Variants in COL5A2 observed in about 807,000 individuals in gnomAD.
The protein encoded by COL5A2 is collagen type V alpha 2 chain, also known as collagen alpha-2(V) chain.
In COL5A2, 23 loss-of-function variants were observed where a neutral mutation model predicts 208.2. The ratio of observed to expected loss-of-function variants is 0.11; its 90% CI spans 0.08 to 0.16. The LOEUF (loss-of-function observed/expected upper bound fraction) is 0.16, where lower values mean the gene tolerates loss of function less well. Ranked by LOEUF, COL5A2 falls within the 10% of genes least tolerant of loss-of-function variation. The pLI is 1.00. For missense variants in COL5A2, 1,590 were observed against 1,956.4 expected (o/e 0.81, Z 3.53); for synonymous variants, 625 against 628.5 (o/e 0.99, Z 0.08).
chr2:189,346,608 T>C, the COL5A2 span, among the ~76,000 whole-genome samples: 4 of 152,356 alleles, frequency 2.6e-5, no homozygotes, highest in East Asian at 7.7e-4. Flanking sequence ...AAAATATATA[T>C]GACTATGTAC....
At chr2:189,311,055 ACT>A in the COL5A2 span, among the ~76,000 whole-genome samples, 1 of 151,000 alleles carries the variant, frequency 6.6e-6, no homozygotes, top group Admixed American at 6.6e-5. Context: ...AAGTGGGGTG[ACT>A]CTTGCTACTC....
At chr2:189,243,148 T>C in the COL5A2 span, among the ~76,000 whole-genome samples, 1 of 151,806 alleles carries the variant, frequency 6.6e-6, no homozygotes, top group African/African-American at 2.4e-5. Context: ...CCTTTTCTAT[T>C]TGGTAAGAAG....
chr2:189,267,175 G>A, the COL5A2 span, among the ~76,000 whole-genome samples: 1 of 151,920 alleles, frequency 6.6e-6, no homozygotes, highest in Non-Finnish European at 1.5e-5. Flanking sequence ...GACCCTAAAA[G>A]CATTTCTGTA....
rs568242168 is a variant in COL5A2, at chr2:189,218,775, T to G, written c.-42+6373A>C. On this transcript the variant is annotated intron_variant, in intron 1 of 10. Coordinates refer to the COL5A2 transcript ENST00000649966. ...GGAACATTAGGTTCTCATTGACGCCTAGTCAAAATGGAAGTTCTCTACAGT... is the reference window on the plus strand; with the variant it reads ...GGAACATTAGGTTCTCATTGACGCCGAGTCAAAATGGAAGTTCTCTACAGT... 3.3e-5 allele frequency among the ~76,000 whole-genome samples: 5 copies of G among 152,260 alleles called. No individual in the cohort carries two copies. The South Asian group carries it at 6.2e-4, about 19-fold the overall frequency.
At chr2:189,166,330 A>ATT (rs570782908) in intron 1 of COL5A2, among the ~76,000 whole-genome samples, 56 of 147,166 alleles carry the variant, frequency 3.8e-4, no homozygotes, top group African/African-American at 1.3e-3. Flanking sequence ...GACAGGTTGA[A>ATT]TTTTTTTTTT....
chr2:189,326,749 A>G, the COL5A2 span, among the ~76,000 whole-genome samples: 3 of 151,404 alleles, frequency 2.0e-5, no homozygotes, highest in Non-Finnish European at 4.4e-5. Flanking sequence ...ACTCCCCACT[A>G]GAAAAAGTAT....
intron 1 of COL5A2, among the ~76,000 whole-genome samples, chr2:189,191,274 C>T (rs1688924738): frequency 6.6e-6 from 1 of 151,596 alleles, no homozygotes; most frequent in Non-Finnish European, 1.5e-5. Context: ...AACCTATCTT[C>T]AAATTCTAAG....
At chr2:189,407,876 T>G in the COL5A2 span, among the ~76,000 whole-genome samples, 1 of 152,216 alleles carries the variant, frequency 6.6e-6, no homozygotes, top group Admixed American at 6.5e-5. Context: ...TTCTCTGTTT[T>G]TCATTTTCTG....
At chr2:189,400,183 TC>T in the COL5A2 span, among the ~76,000 whole-genome samples, 2 of 152,332 alleles carry the variant, frequency 1.3e-5, no homozygotes, top group South Asian at 4.1e-4. Flanking sequence ...CTTATCCTGC[TC>T]TGAGTCCTTT....
At chr2:189,391,322 A>C in the COL5A2 span, among the ~76,000 whole-genome samples, 1 of 152,198 alleles carries the variant, frequency 6.6e-6, no homozygotes, top group Non-Finnish European at 1.5e-5. Context: ...TTTGAGCTGC[A>C]CATGCTCTTA....
At chr2:189,282,907 T>A in the COL5A2 span, among the ~76,000 whole-genome samples, 1 of 152,142 alleles carries the variant, frequency 6.6e-6, no homozygotes, top group Admixed American at 6.5e-5. Context: ...ATTCAAAATA[T>A]TTACTATAGG....
At chr2:189,229,817 A>T (rs1170173624), upstream of COL5A2, among the ~76,000 whole-genome samples, 1 of 151,878 alleles carries the variant, frequency 6.6e-6, no homozygotes, top group African/African-American at 2.4e-5. Context: ...TTTTTACAGA[A>T]ATAGAAAAAA....
At chr2:189,065,601 A>G (rs1016490675) in intron 23 of COL5A2, among the ~76,000 whole-genome samples, 2 of 152,178 alleles carry the variant, frequency 1.3e-5, no homozygotes, top group Non-Finnish European at 2.9e-5. Flanking sequence ...TTAAACAGAG[A>G]AAACTGATAT....
At chr2:189,180,166 G>A (rs566196766), upstream of COL5A2, among the ~76,000 whole-genome samples, 1 of 151,890 alleles carries the variant, frequency 6.6e-6, no homozygotes, top group Non-Finnish European at 1.5e-5. Flanking sequence ...GATAATTCAA[G>A]ACTCTCTTCT....
At chr2:189,264,174 A>G in the COL5A2 span, among the ~76,000 whole-genome samples, 1 of 152,134 alleles carries the variant, frequency 6.6e-6, no homozygotes, top group Non-Finnish European at 1.5e-5. Context: ...CAAAAATACA[A>G]AGAATGAAAG....
At chr2:189,402,174 T>C in the COL5A2 span, among the ~76,000 whole-genome samples, 3 of 152,176 alleles carry the variant, frequency 2.0e-5, no homozygotes, top group Non-Finnish European at 4.4e-5. Context: ...TGCCTAGGTT[T>C]CTTATAAGGT....
At chr2:189,037,227 A>G (rs746045933) in intron 51 of COL5A2, among the ~76,000 whole-genome samples, 5 of 152,320 alleles carry the variant, frequency 3.3e-5, no homozygotes, top group Non-Finnish European at 7.4e-5. Context: ...AAAGTGAATA[A>G]ATAAGTTGAA....
At chr2:189,324,808 C>T in the COL5A2 span, among the ~76,000 whole-genome samples, 584 of 152,260 alleles carry the variant, frequency 3.8e-3, 17 homozygotes, top group East Asian at 0.04. Flanking sequence ...CCAGCCATCC[C>T]ATTACTGGGT....
intron 18 of COL5A2, among the ~76,000 whole-genome samples, chr2:189,070,454 A>ATG (rs1190794755): frequency 1.3e-5 from 2 of 152,188 alleles, no homozygotes; most frequent in Non-Finnish European, 2.9e-5. Flanking sequence ...CAGGAATTTT[A>ATG]TGGTGGAGAG....
Sources: gnomAD v4.1 joint callset for allele counts (sites outside exome capture counted in the v4.1 genomes callset) on GRCh38, gnomAD v4.1.1 for gene constraint, MANE v1.5 for transcripts, NCBI Gene and HGNC (gene_info 2026-07-23, HGNC 2026-07-21) for gene names.